PTPRG: variants seen among roughly 807,000 people sequenced by gnomAD.
PTPRG encodes protein tyrosine phosphatase receptor type G.
A neutral mutation model predicts 165.3 loss-of-function variants in PTPRG; 102 were observed. The observed-to-expected ratio is 0.62, with a 90% CI of 0.53 to 0.73. The LOEUF (loss-of-function observed/expected upper bound fraction) is 0.73. Ranked by LOEUF, PTPRG falls within the 30% of genes least tolerant of loss-of-function variation. The pLI is 0.00. For missense variants in PTPRG, 1,866 were observed against 1,861.4 expected, an observed-to-expected ratio of 1.00 and a Z score of -0.05; for synonymous variants, 675 against 669.5, an observed-to-expected ratio of 1.01 and a Z score of -0.13.
chr3:62,008,770 A>G (rs2107733749), intron 4 of PTPRG, among the ~76,000 whole-genome samples: 1 of 152,278 alleles, frequency 6.6e-6, no homozygotes, highest in South Asian at 2.1e-4. Flanking sequence ...TGCAGCCTAG[A>G]TCCCTCGCAC....
chr3:61,972,118 C>T (rs999074989), intron 2 of PTPRG, among the ~76,000 whole-genome samples: 1 of 152,232 alleles, frequency 6.6e-6, no homozygotes, highest in South Asian at 2.1e-4. Flanking sequence ...AGACGGTTTA[C>T]ATATGTGTGG....
intron 4 of PTPRG, among the ~76,000 whole-genome samples, chr3:62,046,671 T>C (rs1036926672): frequency 6.6e-6 from 1 of 152,140 alleles, no homozygotes; most frequent in Non-Finnish European, 1.5e-5. Context: ...ATTTTTTTTT[T>C]AAATCAGACT....
At chr3:62,282,325 G>C (rs1702480142) in intron 27 of PTPRG, among the ~76,000 whole-genome samples, 1 of 151,850 alleles carries the variant, frequency 6.6e-6, no homozygotes, top group African/African-American at 2.4e-5. Context: ...CTGGGCTCAA[G>C]CGATCCTTTC....
chr3:62,102,547 A>T (rs1702328302), intron 5 of PTPRG, among the ~76,000 whole-genome samples: 1 of 152,232 alleles, frequency 6.6e-6, no homozygotes, highest in African/African-American at 2.4e-5. Flanking sequence ...CTGGGATTAC[A>T]GGCGTGAGCC....
intron 14 of PTPRG, among the ~76,000 whole-genome samples, chr3:62,239,940 G>T (rs1417090720): frequency 6.6e-6 from 1 of 152,090 alleles, no homozygotes; most frequent in Non-Finnish European, 1.5e-5. Context: ...TGTAGAATTT[G>T]TACATGCAAA....
chr3:61,799,886 G>A (rs1256130699), intron 2 of PTPRG, among the ~76,000 whole-genome samples: 1 of 152,154 alleles, frequency 6.6e-6, no homozygotes, highest in East Asian at 1.9e-4. Flanking sequence ...TATTGTTCAA[G>A]GGGTTGAATT....
At chr3:62,149,565 C>T (rs377007323) in intron 6 of PTPRG, among the ~76,000 whole-genome samples, 1 of 152,190 alleles carries the variant, frequency 6.6e-6, no homozygotes, top group African/African-American at 2.4e-5. Context: ...CCACTGCGCC[C>T]GGCCATCTTC....
At chr3:62,031,867 C>G (rs1438213282) in intron 4 of PTPRG, among the ~76,000 whole-genome samples, 4 of 152,132 alleles carry the variant, frequency 2.6e-5, no homozygotes, top group African/African-American at 9.7e-5. Flanking sequence ...AGACAGTGAG[C>G]TCTGTGGAAG....
chr3:62,273,054 A>C lies in PTPRG; in HGVS notation c.3291A>C (p.Thr1097=). 1 of 1,613,520 alleles carries C rather than the reference A, an allele frequency of 6.2e-7. No homozygotes were observed. The highest frequency in any genetic ancestry group is 8.5e-7 in the Non-Finnish European group (1 of 1,179,680). The change falls in exon 22 of 30, where the codon ACA becomes ACC. Residue 1097 remains threonine, a synonymous_variant. Coordinates refer to ENST00000474889, the MANE Select transcript of PTPRG (RefSeq NM_002841.4). This position sits in a 1 kb window ranked among gnomAD's most constrained non-coding sequence, Gnocchi z 4.1. ...NVLGFLKHIR[T]QRNYLVQTEE... ...TGGGATTCCTGAAGCATATCAGGAC[A>C]CAGCGTAACTACCTCGTCCAGACTG...
intron 1 of PTPRG, among the ~76,000 whole-genome samples, chr3:61,683,483 C>T (rs540949837): frequency 6.6e-6 from 1 of 152,186 alleles, no homozygotes; most frequent in African/African-American, 2.4e-5. Context: ...TTCAGTTAAC[C>T]AAGCAGCCAA....
chr3:61,955,245 A>G (rs985477916), intron 2 of PTPRG, among the ~76,000 whole-genome samples: 1 of 152,152 alleles, frequency 6.6e-6, no homozygotes, highest in Admixed American at 6.5e-5. Context: ...TTGTGACCCA[A>G]TAGCATGTTA....
intron 2 of PTPRG, among the ~76,000 whole-genome samples, chr3:61,852,700 A>C (rs1327950581): frequency 6.6e-6 from 1 of 152,166 alleles, no homozygotes; most frequent in East Asian, 1.9e-4. Context: ...TGGTCTTTGT[A>C]TTATGGTGCC....
chr3:62,054,882 A>G (rs1700584868), intron 4 of PTPRG, among the ~76,000 whole-genome samples: 1 of 152,214 alleles, frequency 6.6e-6, no homozygotes, highest in South Asian at 2.1e-4. Flanking sequence ...AGGTATAAAG[A>G]TGAAATTATA....
chr3:62,049,013 G>A (rs1700384172), intron 4 of PTPRG, among the ~76,000 whole-genome samples: 1 of 152,020 alleles, frequency 6.6e-6, no homozygotes, highest in African/African-American at 2.4e-5. Flanking sequence ...TGCGAATGGA[G>A]TCAGGAAATA....
chr3:62,199,487 A>C (rs992424395), intron 10 of PTPRG, among the ~76,000 whole-genome samples: 15 of 152,220 alleles, frequency 9.9e-5, no homozygotes, highest in Non-Finnish European at 1.3e-4. Flanking sequence ...AGGTGAGCCT[A>C]GTTTTGCCAA....
At chr3:62,119,270 T>A (rs1253622676) in intron 5 of PTPRG, among the ~76,000 whole-genome samples, 1 of 152,224 alleles carries the variant, frequency 6.6e-6, no homozygotes, top group African/African-American at 2.4e-5. Context: ...GCTTTAGGAA[T>A]TGACAAACAG....
At chr3:61,762,733 C>G (rs1444556963) in intron 2 of PTPRG, among the ~76,000 whole-genome samples, 1 of 152,066 alleles carries the variant, frequency 6.6e-6, no homozygotes, top group Non-Finnish European at 1.5e-5. Context: ...TCAGTTTTAG[C>G]CTCTAGAAAA....
At chr3:62,073,496 T>G (rs898246816) in intron 4 of PTPRG, among the ~76,000 whole-genome samples, 59 of 152,254 alleles carry the variant, frequency 3.9e-4, no homozygotes, top group African/African-American at 1.4e-3. Flanking sequence ...TTTTTTTTTT[T>G]GAGACTGAGT....
chr3:61,707,635 G>A (rs1027646234), intron 1 of PTPRG, among the ~76,000 whole-genome samples: 6 of 152,178 alleles, frequency 3.9e-5, no homozygotes, highest in African/African-American at 1.4e-4. Context: ...TTTTTACTCA[G>A]TCTATCAATT....
Sources: allele counts gnomAD v4.1 joint callset (sites outside exome capture counted in the v4.1 genomes callset), GRCh38; gene constraint gnomAD v4.1.1; non-coding constraint Gnocchi (gnomAD v3.1); transcripts MANE v1.5; gene names NCBI Gene and HGNC (gene_info 2026-07-23, HGNC 2026-07-21).